Variants in RBM6 observed in about 807,000 individuals in gnomAD.
RBM6 encodes RNA binding motif protein 6.
Under a neutral mutation model 140.4 loss-of-function variants are expected in RBM6, and 23 were observed. That is an observed-to-expected ratio of 0.16 (90% CI 0.12 to 0.23). The LOEUF (loss-of-function observed/expected upper bound fraction) is 0.23. Ranked by LOEUF, RBM6 falls within the 10% of genes least tolerant of loss-of-function variation. The pLI is 1.00. For synonymous variants in RBM6, 439 were observed against 475.6 expected (o/e 0.92, Z 1.00); for missense variants, 1,139 against 1,386.7 (o/e 0.82, Z 2.84).
intron 6 of RBM6, among the ~76,000 whole-genome samples, chr3:50,042,726 A>T (rs902297160): frequency 1.3e-5 from 2 of 152,076 alleles, no homozygotes; most frequent in African/African-American, 4.8e-5. Flanking sequence ...CAACCTGGGC[A>T]ACAGAAGCGA....
intron 1 of RBM6, among the ~76,000 whole-genome samples, chr3:49,952,739 C>G (rs1435817769): frequency 6.6e-6 from 1 of 152,094 alleles, no homozygotes; most frequent in African/African-American, 2.4e-5. Flanking sequence ...CTCAGGTGAT[C>G]CACCTGCCTT....
intron 5 of RBM6, among the ~76,000 whole-genome samples, chr3:49,994,864 A>T (rs2086009340): frequency 1.3e-5 from 2 of 152,160 alleles, no homozygotes; most frequent in Non-Finnish European, 2.9e-5. Context: ...TACTCTCTTG[A>T]TGGGAAATTC....
At chr3:50,007,121 A>G (rs1013073265) in intron 6 of RBM6, among the ~76,000 whole-genome samples, 1 of 151,066 alleles carries the variant, frequency 6.6e-6, no homozygotes, top group South Asian at 2.1e-4. Flanking sequence ...CCCATCAACA[A>G]TACTTCTCAT....
At chr3:50,048,161 G>T in intron 6 of RBM6, 84 bp from the exon 7 acceptor site, 1 of 1,545,846 alleles carries the variant, frequency 6.5e-7, no homozygotes, top group South Asian at 1.2e-5. Context: ...TCAGCTTGGG[G>T]ATTGGAAAGG....
At chr3:50,050,367 T>C (rs2089419618) in intron 7 of RBM6, among the ~76,000 whole-genome samples, 3 of 152,226 alleles carry the variant, frequency 2.0e-5, no homozygotes, top group Non-Finnish European at 4.4e-5. Context: ...TCAGAGTTCA[T>C]GTATGTTGCA....
chr3:49,984,405 C>T (rs1338626765), intron 5 of RBM6, among the ~76,000 whole-genome samples: 1 of 152,162 alleles, frequency 6.6e-6, no homozygotes, highest in Non-Finnish European at 1.5e-5. Context: ...CCAGGAGTTA[C>T]AGACCAGCCT....
chr3:49,943,059 T>C (rs2083354291), intron 1 of RBM6, among the ~76,000 whole-genome samples: 1 of 152,204 alleles, frequency 6.6e-6, no homozygotes, highest in African/African-American at 2.4e-5. Context: ...GGTTGATCCA[T>C]GTTGTACTGT....
intron 1 of RBM6, among the ~76,000 whole-genome samples, chr3:49,949,363 A>G (rs2083632114): frequency 6.6e-6 from 1 of 151,848 alleles, no homozygotes; most frequent in Non-Finnish European, 1.5e-5. Flanking sequence ...TCTCCCAGAG[A>G]GGAAAATCCT....
chr3:50,027,595 A>G (rs542318309), intron 6 of RBM6, among the ~76,000 whole-genome samples: 48 of 152,256 alleles, frequency 3.2e-4, no homozygotes, highest in Admixed American at 2.5e-3. Flanking sequence ...ATCATATACC[A>G]TATGGTCTTT....
chr3:49,967,927 A>G lies in RBM6; in HGVS notation c.502A>G (p.Arg168Gly), dbSNP rs957195994. ...TGCTCACGCTGTTGACTTCAGAGGT[A>G]GGGATGCTCCTCCATCTGACTTCAG... ...RDAHAVDFRG[R>G]DAPPSDFRGR... Residue 168 changes from arginine to glycine, a missense_variant, in exon 3 of 21, where the codon AGG (arginine) becomes GGG (glycine). Around this residue, in one of 9 missense-constraint regions of RBM6, gnomAD observed 566 missense variants for 612.7 expected, o/e 0.92. Coordinates refer to ENST00000266022, the MANE Select transcript of RBM6 (RefSeq NM_005777.3). This position sits in a 1 kb window ranked among gnomAD's most constrained non-coding sequence, Gnocchi z 4.0. 2.5e-6 allele frequency: 4 copies of G among 1,613,980 alleles called. No homozygotes were observed. Among genetic ancestry groups the G allele is most frequent in the Non-Finnish European group, 3.4e-6 (4 of 1,179,974 alleles).
intron 1 of RBM6, among the ~76,000 whole-genome samples, 179 bp from the exon 2 acceptor site, chr3:49,962,397 A>G (rs1427577311): frequency 6.6e-6 from 1 of 151,548 alleles, no homozygotes; most frequent in South Asian, 2.1e-4. Flanking sequence ...ATGCCTTTGC[A>G]CTCCAGCCTG....
At chr3:49,991,480 A>G (rs756790330) in intron 5 of RBM6, among the ~76,000 whole-genome samples, 2 of 152,302 alleles carry the variant, frequency 1.3e-5, no homozygotes, top group South Asian at 2.1e-4. Flanking sequence ...TCCTGAAGCT[A>G]TCTAGGGGCT....
chr3:49,988,835 G>A (rs1008388486), intron 5 of RBM6, among the ~76,000 whole-genome samples: 2 of 151,978 alleles, frequency 1.3e-5, no homozygotes, highest in Non-Finnish European at 2.9e-5. Flanking sequence ...GGTGGCACAC[G>A]CCTGTGGTAC....
intron 6 of RBM6, among the ~76,000 whole-genome samples, chr3:50,016,498 GTTTTAGTTT>G (rs1448253201): frequency 8.7e-6 from 1 of 115,604 alleles, no homozygotes; most frequent in Non-Finnish European, 1.8e-5. Context: ...GGTGATTCTC[GTTTTAGTTT>G]TTTTTTTTTT....
intron 5 of RBM6, among the ~76,000 whole-genome samples, chr3:49,989,967 G>A (rs1435729566): frequency 6.6e-6 from 1 of 152,002 alleles, no homozygotes; most frequent in African/African-American, 2.4e-5. Flanking sequence ...CGCTGGTCTC[G>A]AACTCCTGAC....
Position 49,961,669 on chromosome 3 carries a change from C to T in RBM6, c.-66-907C>T, listed in dbSNP as rs557396120. On this transcript the variant is annotated intron_variant, in intron 1 of 20. Coordinates refer to ENST00000266022, the MANE Select transcript of RBM6 (RefSeq NM_005777.3). ...CAAAAATTAGCCGGGCATGGTGACG[C>T]GTGCCTGTAGTCCCAGCTACTCGGG... 3.3e-5 allele frequency among the ~76,000 whole-genome samples: 5 copies of T among 151,684 alleles called. No homozygotes were observed. In the East Asian group the frequency reaches 5.9e-4, roughly 18 times the overall value.
intron 3 of RBM6, 133 bp from the exon 4 acceptor site, chr3:49,971,925 GA>G: frequency 3.1e-6 from 2 of 654,396 alleles, no homozygotes; most frequent in South Asian, 4.2e-5. Flanking sequence ...GAACAATAGA[GA>G]AAATTGTAAT....
At chr3:50,059,112 C>T (rs564564927) in intron 10 of RBM6, among the ~76,000 whole-genome samples, 9 of 152,192 alleles carry the variant, frequency 5.9e-5, no homozygotes, top group East Asian at 1.9e-4. Context: ...CCAACTTACT[C>T]GCTTGTGAAG....
chr3:49,956,328 C>CGGTT, intron 1 of RBM6, among the ~76,000 whole-genome samples: 1 of 72,052 alleles, frequency 1.4e-5, no homozygotes, highest in African/African-American at 5.9e-5. Flanking sequence ...CCCTCCCCCG[C>CGGTT]TTTTTTTTTT....
Sources: allele counts gnomAD v4.1 joint callset (sites outside exome capture counted in the v4.1 genomes callset), GRCh38; gene constraint gnomAD v4.1.1; regional missense constraint gnomAD v4.1.1; non-coding constraint Gnocchi (gnomAD v3.1); transcripts MANE v1.5; gene names NCBI Gene and HGNC (gene_info 2026-07-23, HGNC 2026-07-21).